The following CDK14 variants were observed in gnomAD, a reference collection of about 807,000 sequenced individuals.
CDK14 encodes the protein cyclin-dependent kinase 14.
In CDK14, 34 loss-of-function variants were observed where a neutral mutation model predicts 60.7. The ratio of observed to expected loss-of-function variants is 0.56; its 90% CI spans 0.43 to 0.75. The LOEUF is 0.75. CDK14 is among the 30% of genes least tolerant of loss of function. The pLI is 0.00. For synonymous variants in CDK14, 197 were observed against 203.7 expected, an observed-to-expected ratio of 0.97 and a Z score of 0.28; for missense variants, 482 against 564.1, an observed-to-expected ratio of 0.85 and a Z score of 1.47.
At chr7:91,162,647 G>A (rs1801206021) in intron 14 of CDK14, among the ~76,000 whole-genome samples, 1 of 152,140 alleles carries the variant, frequency 6.6e-6, no homozygotes, top group African/African-American at 2.4e-5. Flanking sequence ...GTAACTTCGG[G>A]AAGTCACTTA....
chr7:90,863,124 A>T, intron 5 of CDK14, 51 bp from the exon 6 acceptor site: 2 of 956,274 alleles, frequency 2.1e-6, no homozygotes, highest in Non-Finnish European at 3.3e-6. Context: ...GGTATATATT[A>T]GTTGATTGTT....
At chr7:90,837,864 A>T (rs1790163381) in intron 5 of CDK14, among the ~76,000 whole-genome samples, 1 of 152,210 alleles carries the variant, frequency 6.6e-6, no homozygotes, top group Non-Finnish European at 1.5e-5. Context: ...CATTAGTGTT[A>T]GAAGACATAT....
At chr7:90,819,140 A>G (rs1769824073) in intron 5 of CDK14, among the ~76,000 whole-genome samples, 1 of 152,174 alleles carries the variant, frequency 6.6e-6, no homozygotes, top group Non-Finnish European at 1.5e-5. Flanking sequence ...TTCATGTGTC[A>G]TTGGAGAGCA....
intron 9 of CDK14, among the ~76,000 whole-genome samples, chr7:90,973,488 A>C (rs1485536752): frequency 6.6e-6 from 1 of 152,206 alleles, no homozygotes; most frequent in African/African-American, 2.4e-5. Flanking sequence ...TTTTCATTGC[A>C]ACCATATTTT....
At chr7:90,946,689 C>T (rs1320498291) in intron 8 of CDK14, among the ~76,000 whole-genome samples, 3 of 152,090 alleles carry the variant, frequency 2.0e-5, no homozygotes, top group Admixed American at 6.6e-5. Context: ...CACTTCAGTC[C>T]GGGCATTTCA....
chr7:91,091,887 C>T (rs1798843086), intron 12 of CDK14, among the ~76,000 whole-genome samples: 1 of 151,800 alleles, frequency 6.6e-6, no homozygotes, highest in Admixed American at 6.6e-5. Context: ...CTACATTATG[C>T]CGATATTGTT....
At chr7:91,111,516 A>G (rs1022512582) in intron 12 of CDK14, among the ~76,000 whole-genome samples, 1 of 152,196 alleles carries the variant, frequency 6.6e-6, no homozygotes, top group African/African-American at 2.4e-5. Context: ...TGTGAGAGAA[A>G]GAGAGCATGG....
chr7:90,968,296 T>G (rs1794817377), intron 9 of CDK14, among the ~76,000 whole-genome samples: 1 of 152,186 alleles, frequency 6.6e-6, no homozygotes, highest in Non-Finnish European at 1.5e-5. Flanking sequence ...AAAACAATAG[T>G]TGAAAAAGAA....
chr7:90,721,141 C>T (rs1389269623), intron 2 of CDK14, among the ~76,000 whole-genome samples: 1 of 152,192 alleles, frequency 6.6e-6, no homozygotes, highest in Non-Finnish European at 1.5e-5. Flanking sequence ...CATCCACCCA[C>T]CTGGTCTGCT....
At chr7:91,111,674 A>G (rs1799471665) in intron 12 of CDK14, among the ~76,000 whole-genome samples, 1 of 152,184 alleles carries the variant, frequency 6.6e-6, no homozygotes, top group Non-Finnish European at 1.5e-5. Context: ...AGACTATAAT[A>G]AATACGAGTG....
chr7:90,899,270 A>G, intron 6 of CDK14, 21 bp from the exon 7 acceptor site: 1 of 1,579,872 alleles, frequency 6.3e-7, no homozygotes, highest in Non-Finnish European at 8.6e-7. Flanking sequence ...TTATTAATAC[A>G]TTTTTCCTTT....
At chr7:91,036,092 C>G (rs1796926310) in intron 10 of CDK14, among the ~76,000 whole-genome samples, 1 of 152,194 alleles carries the variant, frequency 6.6e-6, no homozygotes, top group South Asian at 2.1e-4. Flanking sequence ...ATCCACCCGC[C>G]TCGGCCTCCC....
intron 2 of CDK14, among the ~76,000 whole-genome samples, chr7:90,687,561 T>A (rs950012740): frequency 6.6e-6 from 1 of 151,966 alleles, no homozygotes; most frequent in African/African-American, 2.4e-5. Flanking sequence ...ATGAAGATAA[T>A]AATGGATCTA....
intron 4 of CDK14, among the ~76,000 whole-genome samples, chr7:90,748,226 T>G (rs1444432192): frequency 1.3e-5 from 2 of 152,204 alleles, no homozygotes; most frequent in East Asian, 3.9e-4. Flanking sequence ...GGCAAACTTT[T>G]CTTTTTCTTT....
chr7:90,927,722 T>G (rs1366575064), intron 8 of CDK14, among the ~76,000 whole-genome samples: 1 of 152,206 alleles, frequency 6.6e-6, no homozygotes, highest in Non-Finnish European at 1.5e-5. Context: ...AGTATCTTTG[T>G]GGCATTCTCT....
intron 2 of CDK14, among the ~76,000 whole-genome samples, chr7:90,633,097 A>AT (rs1800041612): frequency 6.6e-6 from 1 of 150,604 alleles, no homozygotes; most frequent in Non-Finnish European, 1.5e-5. Flanking sequence ...TTCTGTCTCA[A>AT]AAAAAAAAAA....
chr7:90,911,049 CTA>C (rs776142298), intron 7 of CDK14, among the ~76,000 whole-genome samples: 5 of 152,020 alleles, frequency 3.3e-5, no homozygotes, highest in Non-Finnish European at 7.4e-5. Flanking sequence ...TTTTTTCTTG[CTA>C]TGATACTTTG....
At chr7:91,178,666 TCAAAAGAAGACATTTATG>T (rs1178233482) in intron 14 of CDK14, among the ~76,000 whole-genome samples, 3 of 152,086 alleles carry the variant, frequency 2.0e-5, no homozygotes, top group Non-Finnish European at 2.9e-5. Flanking sequence ...CAGACACTTC[TCAAAAGAAGACATTTATG>T]CAGCCAAAAA....
At chr7:90,805,738 G>T (rs1295057837) in intron 5 of CDK14, among the ~76,000 whole-genome samples, 1 of 151,978 alleles carries the variant, frequency 6.6e-6, no homozygotes, top group Non-Finnish European at 1.5e-5. Flanking sequence ...TGTCACACCT[G>T]TCAAAATCCC....
Sources: allele counts gnomAD v4.1 joint callset (sites outside exome capture counted in the v4.1 genomes callset), GRCh38; gene constraint gnomAD v4.1.1; transcripts MANE v1.5; gene names NCBI Gene and HGNC (gene_info 2026-07-23, HGNC 2026-07-21).